Variants in NOX4 observed in about 807,000 individuals in gnomAD.
NOX4 encodes the protein kidney oxidase-1.
A neutral mutation model predicts 87.6 loss-of-function variants in NOX4; 69 were observed. The ratio of observed to expected loss-of-function variants is 0.79; its 90% CI spans 0.65 to 0.96. The LOEUF (loss-of-function observed/expected upper bound fraction) is 0.96, where lower values mean the gene tolerates loss of function less well. Ranked by LOEUF, NOX4 falls within the 40% of genes least tolerant of loss-of-function variation. NOX4 has a pLI of 0.00. For missense variants in NOX4, 680 were observed against 681.5 expected, an observed-to-expected ratio of 1.00 and a Z score of 0.02; for synonymous variants, 275 against 238.2, an observed-to-expected ratio of 1.15 and a Z score of -1.42.
At chr11:89,506,469 A>G in the NOX4 span, among the ~76,000 whole-genome samples, 1 of 151,774 alleles carries the variant, frequency 6.6e-6, no homozygotes, top group South Asian at 2.1e-4. Flanking sequence ...TAAAGCCTAC[A>G]ACTATAAAAT....
chr11:89,474,242 A>C (rs1440345360), intron 2 of NOX4, among the ~76,000 whole-genome samples: 1 of 152,026 alleles, frequency 6.6e-6, no homozygotes, highest in East Asian at 1.9e-4. Context: ...CAAATGTTAC[A>C]AAAAAAGGTT....
chr11:89,506,406 A>G, the NOX4 span, among the ~76,000 whole-genome samples: 2 of 151,776 alleles, frequency 1.3e-5, no homozygotes, highest in Admixed American at 1.3e-4. Context: ...ATTTTCATCC[A>G]TATCTTACAC....
the NOX4 span, among the ~76,000 whole-genome samples, chr11:89,510,007 G>A: frequency 1.3e-5 from 2 of 152,062 alleles, no homozygotes; most frequent in African/African-American, 4.8e-5. Context: ...TGAACCTACG[G>A]AGTGGTAAAT....
At chr11:89,548,968 A>C in the NOX4 span, among the ~76,000 whole-genome samples, 1 of 152,322 alleles carries the variant, frequency 6.6e-6, no homozygotes, top group Admixed American at 6.5e-5. Context: ...AGTCTCATAA[A>C]GGTTTCATGT....
At chr11:89,555,548 T>G in the NOX4 span, among the ~76,000 whole-genome samples, 37 of 152,278 alleles carry the variant, frequency 2.4e-4, no homozygotes, top group African/African-American at 8.2e-4. Context: ...ATTTATCCTC[T>G]TATTGTTATA....
chr11:89,407,021 C>T (rs1275790861), intron 8 of NOX4, among the ~76,000 whole-genome samples: 2 of 151,936 alleles, frequency 1.3e-5, no homozygotes, highest in African/African-American at 2.4e-5. Context: ...TGGTTTATTC[C>T]TGAATAAGTA....
Position 89,342,106 on chromosome 11 carries a change from T to C in NOX4, c.1305A>G (p.Val435=). 6.2e-7 allele frequency: 1 copy of C among 1,613,336 alleles called. No individual in the cohort carries two copies. ...TGTTGAGTATTGATGCAAATGGAGT[T>C]ACTCCAATGCCTCCAGCCACGCAGA... ...VSLCVAGGIG[V]TPFASILNTL... is the part of the protein sequence containing the mutation. The change falls in exon 14 of 18, where the codon GTA becomes GTG. Residue 435 remains valine (V), a synonymous_variant. Transcript: ENST00000263317.
the NOX4 span, among the ~76,000 whole-genome samples, chr11:89,559,122 A>G: frequency 6.6e-6 from 1 of 152,094 alleles, no homozygotes; most frequent in Non-Finnish European, 1.5e-5. Context: ...TGCCTGTCAT[A>G]TGCTAAATGC....
At chr11:89,329,551 G>C (rs990370721) in intron 17 of NOX4, among the ~76,000 whole-genome samples, 2 of 150,796 alleles carry the variant, frequency 1.3e-5, no homozygotes, top group African/African-American at 4.9e-5. Flanking sequence ...CTAGGCAATT[G>C]ATAATAAAAT....
intron 7 of NOX4, among the ~76,000 whole-genome samples, chr11:89,424,409 T>G (rs1314910599): frequency 1.3e-5 from 2 of 150,806 alleles, no homozygotes; most frequent in Non-Finnish European, 3.0e-5. Context: ...ATCTACTTTT[T>G]CTGGAAATAA....
At chr11:89,538,386 T>A in the NOX4 span, among the ~76,000 whole-genome samples, 2 of 152,222 alleles carry the variant, frequency 1.3e-5, no homozygotes, top group Admixed American at 1.3e-4. Flanking sequence ...TTTCTGACAA[T>A]CTTCTTTAAA....
chr11:89,486,236 A>AT (rs2135484562), intron 2 of NOX4, among the ~76,000 whole-genome samples: 1 of 132,106 alleles, frequency 7.6e-6, no homozygotes, highest in South Asian at 2.4e-4. Context: ...AGTCAGGGAG[A>AT]TTTTTATAGT....
intron 1 of NOX4, chr11:89,490,809 C>G: frequency 2.9e-6 from 2 of 698,802 alleles, no homozygotes; most frequent in Non-Finnish European, 5.2e-6. Flanking sequence ...CAGCTATCCC[C>G]TGCCGTACAA....
At chr11:89,476,228 T>A (rs1035059352) in intron 2 of NOX4, among the ~76,000 whole-genome samples, 1 of 151,950 alleles carries the variant, frequency 6.6e-6, no homozygotes, top group East Asian at 1.9e-4. Context: ...CTCTTTTATA[T>A]TTTTTATTCC....
intron 2 of NOX4, among the ~76,000 whole-genome samples, chr11:89,463,724 T>TTTTTTTTTTTTTTTTTTTTTTTTTGAG (rs1565324465): frequency 6.6e-6 from 1 of 151,918 alleles, no homozygotes; most frequent in African/African-American, 2.4e-5. Flanking sequence ...AGGTTATTTC[T>TTTTTTTTTTTTTTTTTTTTTTTTTGAG]ACATCTTAAG....
Position 89,355,192 on chromosome 11 carries a change from A to G in NOX4, c.1136-149T>C, listed in dbSNP as rs1194518239. 1.1e-5 allele frequency: 6 copies of G among 560,642 alleles called. No individual in the cohort carries two copies. The East Asian group carries it at 1.3e-4, about 12-fold the overall frequency. The allele number at this position is 560,642 out of a possible 1,614,324, so 34.7% of individuals were successfully genotyped here. ...TAGAAATTTACCCACCATTTTATGT[A>G]TTACTAATATATACATAGTGTATGT... On this transcript the variant is annotated intron_variant, in intron 12 of 17. Coordinates refer to ENST00000263317, the MANE Select transcript of NOX4 (RefSeq NM_016931.5).
intron 7 of NOX4, among the ~76,000 whole-genome samples, chr11:89,425,617 T>C (rs1943350702): frequency 6.6e-6 from 1 of 151,954 alleles, no homozygotes. Context: ...CCTATTTTGG[T>C]AAAATACATA....
chr11:89,498,392 C>A (rs988972254), upstream of NOX4, among the ~76,000 whole-genome samples: 1 of 152,082 alleles, frequency 6.6e-6, no homozygotes. Context: ...TACTTGCCAA[C>A]CCAACGTCAA....
At chr11:89,370,142 C>T (rs1333010235) in intron 12 of NOX4, among the ~76,000 whole-genome samples, 1 of 151,796 alleles carries the variant, frequency 6.6e-6, no homozygotes, top group African/African-American at 2.4e-5. Context: ...GAGGCAAATC[C>T]ACAATAATAT....
Sources: gnomAD v4.1 joint callset for allele counts (sites outside exome capture counted in the v4.1 genomes callset) on GRCh38, gnomAD v4.1.1 for gene constraint, MANE v1.5 for transcripts, NCBI Gene and HGNC (gene_info 2026-07-23, HGNC 2026-07-21) for gene names.